FUBP3: variants seen among roughly 807,000 people sequenced by gnomAD.
FUBP3 encodes the protein far upstream element binding protein 3, also known as far upstream element-binding protein 3.
In FUBP3, 28 loss-of-function variants were observed where a neutral mutation model predicts 85.6. The observed-to-expected ratio is 0.33, with a 90% CI of 0.24 to 0.45. The LOEUF is 0.45. Among genes scored for constraint, FUBP3 ranks in the 20% least tolerant of loss-of-function variants. The pLI is 1.00. For missense variants in FUBP3, 583 were observed against 755.1 expected (o/e 0.77, Z 2.67); for synonymous variants, 271 against 271.4 (o/e 1.00, Z 0.01).
At chr9:130,607,152 A>G (rs998754733) in intron 2 of FUBP3, among the ~76,000 whole-genome samples, 5 of 147,572 alleles carry the variant, frequency 3.4e-5, no homozygotes, top group African/African-American at 1.0e-4. Flanking sequence ...TTTTTTTTTT[A>G]CTAGAGACAG....
At chr9:130,589,167 G>T (rs1183260622) in intron 1 of FUBP3, among the ~76,000 whole-genome samples, 1 of 151,992 alleles carries the variant, frequency 6.6e-6, no homozygotes, top group African/African-American at 2.4e-5. Flanking sequence ...GATTTATAAG[G>T]TGACCTACTT....
intron 7 of FUBP3, among the ~76,000 whole-genome samples, chr9:130,617,053 A>T (rs775099036): frequency 6.6e-6 from 1 of 152,250 alleles, no homozygotes; most frequent in Non-Finnish European, 1.5e-5. Context: ...TGTTAGTGCC[A>T]GAATCCCTCA....
intron 2 of FUBP3, among the ~76,000 whole-genome samples, chr9:130,600,856 G>A (rs566458616): frequency 1.6e-4 from 24 of 151,684 alleles, no homozygotes; most frequent in Admixed American, 5.9e-4. Flanking sequence ...CATGCCTGCA[G>A]CCCCAGCTAC....
chr9:130,588,320 A>C (rs1192591556), intron 1 of FUBP3, among the ~76,000 whole-genome samples: 5 of 152,140 alleles, frequency 3.3e-5, no homozygotes, highest in Non-Finnish European at 7.4e-5. Flanking sequence ...GATAGTAATA[A>C]TTTTAAAAAC....
chr9:130,618,506 G>A (rs1832125947), intron 8 of FUBP3, among the ~76,000 whole-genome samples: 1 of 152,266 alleles, frequency 6.6e-6, no homozygotes, highest in Non-Finnish European at 1.5e-5. Flanking sequence ...GCTGGAAGCA[G>A]TAAGGGACTT....
At chr9:130,600,555 G>A (rs1323260260) in intron 2 of FUBP3, among the ~76,000 whole-genome samples, 1 of 151,786 alleles carries the variant, frequency 6.6e-6, no homozygotes, top group African/African-American at 2.4e-5. Context: ...GAGTGCAGTG[G>A]GGCAGTCATG....
At chr9:130,608,654 A>G (rs1419826291) in intron 2 of FUBP3, among the ~76,000 whole-genome samples, 1 of 152,234 alleles carries the variant, frequency 6.6e-6, no homozygotes, top group Non-Finnish European at 1.5e-5. Flanking sequence ...AGTAAAAAAC[A>G]ATTCTCTTAT....
At chr9:130,632,096 G>A in intron 15 of FUBP3, 74 bp downstream of exon 15, 1 of 1,468,556 alleles carries the variant, frequency 6.8e-7, no homozygotes, top group African/African-American at 1.4e-5. Context: ...CGACAGGCAA[G>A]GGTCCGGTGA....
rs558458056 is a variant in FUBP3 at position 130,633,943 on chromosome 9, G to A, written c.1511-724G>A. Among the ~76,000 whole-genome samples the A allele has an allele frequency of 2.9e-4, 44 of 152,300 alleles. 1 individual carries two copies. Among genetic ancestry groups the A allele is most frequent in the African/African-American group, 1.0e-3 (43 of 41,574 alleles). ...GAGACAGTGAGGGGGTCTTTTGTGGGCCTTGGCAGGTGGACACCTGAGCCA... is the reference window on the plus strand; with the variant it reads ...GAGACAGTGAGGGGGTCTTTTGTGGACCTTGGCAGGTGGACACCTGAGCCA... On this transcript the variant is annotated intron_variant, in intron 16 of 18. Coordinates refer to ENST00000319725, the MANE Select transcript of FUBP3 (RefSeq NM_003934.2).
At chr9:130,610,036 T>G (rs1285143950) in intron 3 of FUBP3, 49 bp downstream of exon 3, 3 of 1,353,952 alleles carry the variant, frequency 2.2e-6, no homozygotes, top group Non-Finnish European at 3.2e-6. Flanking sequence ...TCTAATTGTT[T>G]ATTGATCCAC....
chr9:130,634,646 G>C (rs372154970), intron 16 of FUBP3, 21 bp from the exon 17 acceptor site: 26 of 1,609,906 alleles, frequency 1.6e-5, no homozygotes, highest in Non-Finnish European at 2.0e-5. Context: ...AGGCCTGACT[G>C]CTTTTGTGTT....
chr9:130,583,659 G>A (rs1350094542), intron 1 of FUBP3, among the ~76,000 whole-genome samples: 2 of 152,120 alleles, frequency 1.3e-5, no homozygotes, highest in African/African-American at 4.8e-5. Context: ...GGAAATCCAC[G>A]GGCTGCTCCT....
At chr9:130,600,362 T>G (rs1831096936) in intron 2 of FUBP3, among the ~76,000 whole-genome samples, 1 of 152,184 alleles carries the variant, frequency 6.6e-6, no homozygotes, top group African/African-American at 2.4e-5. Context: ...TTTTTCATGC[T>G]CAAGTTCTCC....
chr9:130,635,240 A>G lies in FUBP3; in HGVS notation c.1582+502A>G, dbSNP rs192775870. 2.1e-4 allele frequency among the ~76,000 whole-genome samples: 32 copies of G among 152,276 alleles called. No individual in the cohort carries two copies. In the East Asian group the frequency reaches 6.0e-3, roughly 28 times the overall value. On this transcript the variant is annotated intron_variant, in intron 17 of 18. Transcript: ENST00000319725. The surrounding 1 kb of genome is among the most constrained non-coding windows in gnomAD (Gnocchi z 4.3). ...TCTTAAGTAGGCCCGTTTTCTAACTACCAGAAATGAAACCAGCCTTCAGAG... is the reference window on the plus strand; with the variant it reads ...TCTTAAGTAGGCCCGTTTTCTAACTGCCAGAAATGAAACCAGCCTTCAGAG...
intron 16 of FUBP3, 189 bp from the exon 17 acceptor site, chr9:130,634,478 T>A (rs1830339040): frequency 1.7e-6 from 1 of 586,754 alleles, no homozygotes. Flanking sequence ...GCCCCACCCT[T>A]ACAGTGATCT....
At chr9:130,632,057 C>A in intron 15 of FUBP3, 35 bp downstream of exon 15, 1 of 1,534,060 alleles carries the variant, frequency 6.5e-7, no homozygotes, top group Admixed American at 1.7e-5. Context: ...TGGGGACAGA[C>A]GGCACTAAGG....
chr9:130,611,287 G>A (rs1831732570), intron 3 of FUBP3, among the ~76,000 whole-genome samples: 1 of 152,220 alleles, frequency 6.6e-6, no homozygotes, highest in South Asian at 2.1e-4. Flanking sequence ...AGGTCAGGAA[G>A]CACATCCTGA....
At chr9:130,603,960 A>G (rs186065461) in intron 2 of FUBP3, among the ~76,000 whole-genome samples, 8 of 152,318 alleles carry the variant, frequency 5.3e-5, no homozygotes, top group Admixed American at 4.6e-4. Context: ...AGCTTTATTC[A>G]TAATAGTCCC....
At position 130,638,201 on chromosome 9, in the gene FUBP3, T is replaced by C. The variant is rs1049701453; in HGVS notation, c.*1179T>C. The C allele has an allele frequency of 3.3e-5, 5 of 152,752 alleles. No homozygotes were observed. The highest frequency in any genetic ancestry group is 3.9e-4 in the East Asian group (2 of 5,194). The allele number at this position is 152,752 out of a possible 1,614,324, so 9.5% of individuals were successfully genotyped here. On this transcript the variant is annotated 3_prime_UTR_variant, in exon 19 of 19. Transcript: ENST00000319725. ...TGGTTTTTTCTCCTTATTTTTCTTATAATGCTTGAAATGTCTAACTATTAA... is the reference window on the plus strand; with the variant it reads ...TGGTTTTTTCTCCTTATTTTTCTTACAATGCTTGAAATGTCTAACTATTAA...
Sources: allele counts gnomAD v4.1 joint callset (sites outside exome capture counted in the v4.1 genomes callset), GRCh38; gene constraint gnomAD v4.1.1; non-coding constraint Gnocchi (gnomAD v3.1); transcripts MANE v1.5; gene names NCBI Gene and HGNC (gene_info 2026-07-23, HGNC 2026-07-21).